NSUN4: variants seen among roughly 807,000 people sequenced by gnomAD.
The protein encoded by NSUN4 is NOP2/Sun RNA methyltransferase 4.
Under a neutral mutation model 43.8 loss-of-function variants are expected in NSUN4, and 31 were observed. The ratio of observed to expected loss-of-function variants is 0.71; its 90% CI spans 0.53 to 0.96. The LOEUF (loss-of-function observed/expected upper bound fraction) is 0.96, where lower values mean the gene tolerates loss of function less well. Among genes scored for constraint, NSUN4 ranks in the 40% least tolerant of loss-of-function variants. The pLI is 0.00. For synonymous variants in NSUN4, 167 were observed against 184.1 expected, an observed-to-expected ratio of 0.91 and a Z score of 0.75; for missense variants, 439 against 475.6, an observed-to-expected ratio of 0.92 and a Z score of 0.72.
At chr1:46,384,634 T>A in the NSUN4 span, among the ~76,000 whole-genome samples, 1 of 152,376 alleles carries the variant, frequency 6.6e-6, no homozygotes, top group Admixed American at 6.5e-5. Context: ...ATAGACAGAC[T>A]AAACTTTTCT....
chr1:46,375,397 T>C, the NSUN4 span, among the ~76,000 whole-genome samples: 1 of 149,526 alleles, frequency 6.7e-6, no homozygotes, highest in African/African-American at 2.5e-5. Flanking sequence ...ATCACGCCAT[T>C]GCACTCCAGC....
intron 4 of NSUN4, 114 bp from the exon 5 acceptor site, chr1:46,360,590 G>T: frequency 9.6e-7 from 1 of 1,038,600 alleles, no homozygotes; most frequent in South Asian, 1.7e-5. Flanking sequence ...GCAAAGGAGG[G>T]ATGGGCAGAG....
chr1:46,373,379 C>CT, the NSUN4 span, among the ~76,000 whole-genome samples: 1 of 152,168 alleles, frequency 6.6e-6, no homozygotes, highest in African/African-American at 2.4e-5. Context: ...GTGTCTTAGT[C>CT]TGTTTTCTGT....
At chr1:46,352,125 C>T (rs1663038351) in intron 3 of NSUN4, among the ~76,000 whole-genome samples, 2 of 150,534 alleles carry the variant, frequency 1.3e-5, no homozygotes, top group African/African-American at 4.9e-5. Flanking sequence ...GCCACTATGC[C>T]CAGACTCAGA....
intron 4 of NSUN4, among the ~76,000 whole-genome samples, chr1:46,357,248 C>T (rs954185679): frequency 2.6e-5 from 4 of 152,288 alleles, no homozygotes; most frequent in East Asian, 1.9e-4. Context: ...GGCACAATCT[C>T]GGCTCACTGC....
intron 2 of NSUN4, among the ~76,000 whole-genome samples, chr1:46,346,390 A>G (rs575631162): frequency 6.6e-6 from 1 of 151,452 alleles, no homozygotes; most frequent in Non-Finnish European, 1.5e-5. Flanking sequence ...TCTCTACTAA[A>G]AAATACAAAA....
Position 46,361,980 on chromosome 1 carries a change from C to T in NSUN4, c.*134C>T, listed in dbSNP as rs1445347108. ...CCTGTTCGTGTCTTTCTGCAGTTTTCGGCAATAAGAAGTAGAAGATTTGCT... is the reference window on the plus strand; with the variant it reads ...CCTGTTCGTGTCTTTCTGCAGTTTTTGGCAATAAGAAGTAGAAGATTTGCT... On this transcript the variant is annotated 3_prime_UTR_variant, in exon 6 of 6. Transcript: ENST00000474844. The T allele has an allele frequency of 1.5e-5, 12 of 824,330 alleles. No homozygotes were observed. Among genetic ancestry groups the T allele is most frequent in the East Asian group, 2.7e-5 (1 of 37,352 alleles). The allele number at this position is 824,330 out of a possible 1,614,324, so 51.1% of individuals were successfully genotyped here. A position where few individuals can be genotyped will look rare whatever the true frequency, so the allele number is the denominator to read the frequency against.
At chr1:46,376,517 G>T in the NSUN4 span, among the ~76,000 whole-genome samples, 1 of 151,654 alleles carries the variant, frequency 6.6e-6, no homozygotes, top group African/African-American at 2.4e-5. Context: ...ACTGACTCAA[G>T]ATGTAAGATA....
chr1:46,377,418 C>A, the NSUN4 span, among the ~76,000 whole-genome samples: 1 of 152,330 alleles, frequency 6.6e-6, no homozygotes, highest in East Asian at 1.9e-4. Flanking sequence ...AGAATATATT[C>A]TCTGTGAAAT....
At chr1:46,359,068 G>C (rs1663611756) in intron 4 of NSUN4, among the ~76,000 whole-genome samples, 1 of 152,000 alleles carries the variant, frequency 6.6e-6, no homozygotes, top group African/African-American at 2.4e-5. Flanking sequence ...GACCAACCTG[G>C]CCAATATGGC....
At chr1:46,352,147 TAA>T (rs35949811) in intron 3 of NSUN4, among the ~76,000 whole-genome samples, 23 of 135,614 alleles carry the variant, frequency 1.7e-4, no homozygotes, top group Admixed American at 2.2e-4. Flanking sequence ...ACCCTGTCTT[TAA>T]AAAAAAAAAA....
At chr1:46,348,987 G>C (rs1424580721) in intron 3 of NSUN4, among the ~76,000 whole-genome samples, 1 of 151,342 alleles carries the variant, frequency 6.6e-6, no homozygotes, top group Non-Finnish European at 1.5e-5. Flanking sequence ...GATAATTTTT[G>C]TATTTTTAGT....
the NSUN4 span, among the ~76,000 whole-genome samples, chr1:46,379,235 C>A: frequency 6.6e-6 from 1 of 152,106 alleles, no homozygotes; most frequent in Non-Finnish European, 1.5e-5. Flanking sequence ...ATTGTCAGCA[C>A]CCTAGGCAGT....
At chr1:46,343,814 G>A (rs549770781) in intron 1 of NSUN4, 12 of 400,316 alleles carry the variant, frequency 3.0e-5, no homozygotes, top group African/African-American at 1.4e-4. Flanking sequence ...GGCAAAAGTC[G>A]GAACCGGAGC....
intron 4 of NSUN4, 80 bp from the exon 5 acceptor site, chr1:46,360,624 A>G (rs1663797919): frequency 6.8e-7 from 1 of 1,464,920 alleles, no homozygotes; most frequent in Non-Finnish European, 9.3e-7. Flanking sequence ...AACTTAGGCC[A>G]GGGGCCTAAA....
chr1:46,374,240 C>T, the NSUN4 span, among the ~76,000 whole-genome samples: 3 of 134,768 alleles, frequency 2.2e-5, no homozygotes, highest in East Asian at 2.2e-4. Context: ...GAGCCGAGAT[C>T]GCACCATTGC....
At chr1:46,359,085 C>G (rs1432063729) in intron 4 of NSUN4, among the ~76,000 whole-genome samples, 3 of 152,022 alleles carry the variant, frequency 2.0e-5, no homozygotes, top group African/African-American at 7.2e-5. Context: ...TGGCAAAACC[C>G]CGTCTGTACT....
At chr1:46,342,191 A>G (rs1662163865) in intron 1 of NSUN4, 3 of 400,088 alleles carry the variant, frequency 7.5e-6, no homozygotes, top group Non-Finnish European at 1.3e-5. Context: ...ACTGGTTCTC[A>G]GGGAGAAGTT....
At chr1:46,371,427 T>C in the NSUN4 span, among the ~76,000 whole-genome samples, 1 of 151,860 alleles carries the variant, frequency 6.6e-6, no homozygotes. Context: ...TGCCTCAGCC[T>C]CCCGAGTAGC....
Sources: gnomAD v4.1 joint callset for allele counts (sites outside exome capture counted in the v4.1 genomes callset) on GRCh38, gnomAD v4.1.1 for gene constraint, MANE v1.5 for transcripts, NCBI Gene and HGNC (gene_info 2026-07-23, HGNC 2026-07-21) for gene names.